GAS7: variants seen among roughly 807,000 people sequenced by gnomAD.
The protein encoded by GAS7 is growth arrest-specific protein 7.
A neutral mutation model predicts 71.1 loss-of-function variants in GAS7; 28 were observed. That is an observed-to-expected ratio of 0.39 (90% CI 0.29 to 0.54). The LOEUF (loss-of-function observed/expected upper bound fraction) is 0.54, where lower values mean the gene tolerates loss of function less well. GAS7 is among the 20% of genes least tolerant of loss of function. The pLI, the probability that GAS7 is intolerant of heterozygous loss-of-function variation, is 0.62. For synonymous variants in GAS7, 258 were observed against 245.8 expected (o/e 1.05, Z -0.46); for missense variants, 436 against 627.8 (o/e 0.69, Z 3.27).
intron 3 of GAS7, among the ~76,000 whole-genome samples, chr17:9,980,434 A>G (rs898712345): frequency 6.6e-6 from 1 of 152,198 alleles, no homozygotes; most frequent in African/African-American, 2.4e-5. Context: ...CAGGTAAACT[A>G]TTTAGACCAG....
At chr17:9,950,165 C>T (rs2152102682) in intron 5 of GAS7, among the ~76,000 whole-genome samples, 1 of 152,104 alleles carries the variant, frequency 6.6e-6, no homozygotes, top group Middle Eastern at 3.4e-3. Context: ...TGCTGGGCCT[C>T]TTTCTCCTTT....
chr17:9,986,347 C>T (rs1289870528), intron 2 of GAS7, among the ~76,000 whole-genome samples: 1 of 152,190 alleles, frequency 6.6e-6, no homozygotes, highest in African/African-American at 2.4e-5. Context: ...CTGGTTGGGG[C>T]AGAGGGTCAC....
chr17:9,976,509 C>G (rs2070210099), intron 3 of GAS7, among the ~76,000 whole-genome samples: 1 of 152,230 alleles, frequency 6.6e-6, no homozygotes, highest in Non-Finnish European at 1.5e-5. Context: ...GGGTGAGGCT[C>G]TGGGTTCAGG....
chr17:10,013,597 T>C (rs2071868729), intron 2 of GAS7, among the ~76,000 whole-genome samples: 1 of 152,250 alleles, frequency 6.6e-6, no homozygotes, highest in South Asian at 2.1e-4. Context: ...CATGCTCTGA[T>C]GGCATTGGCA....
intron 8 of GAS7, among the ~76,000 whole-genome samples, chr17:9,937,485 C>A (rs1597485250): frequency 6.6e-6 from 1 of 152,234 alleles, no homozygotes; most frequent in African/African-American, 2.4e-5. Flanking sequence ...GCCCCTATCT[C>A]AGGCCCCGTG....
At chr17:9,928,323 C>T (rs1481096648) in intron 9 of GAS7, among the ~76,000 whole-genome samples, 4 of 151,296 alleles carry the variant, frequency 2.6e-5, no homozygotes, top group Non-Finnish European at 5.9e-5. Context: ...GGGGTTTCAC[C>T]GTGTTAGTCA....
chr17:10,050,119 T>C (rs972974660), intron 1 of GAS7, among the ~76,000 whole-genome samples: 27 of 152,254 alleles, frequency 1.8e-4, no homozygotes, highest in African/African-American at 5.3e-4. Flanking sequence ...GCTTATTTTC[T>C]ATTATCAGCT....
chr17:10,049,934 C>T (rs1458239967), intron 1 of GAS7, among the ~76,000 whole-genome samples: 2 of 152,094 alleles, frequency 1.3e-5, no homozygotes, highest in African/African-American at 4.8e-5. Flanking sequence ...ATTAGTTTTA[C>T]AATCAGCAAA....
intron 1 of GAS7, among the ~76,000 whole-genome samples, chr17:10,082,728 G>A (rs2073471508): frequency 6.6e-6 from 1 of 152,176 alleles, no homozygotes; most frequent in Non-Finnish European, 1.5e-5. Context: ...GCTAAATCAT[G>A]GAAGCAACCT....
intron 9 of GAS7, among the ~76,000 whole-genome samples, chr17:9,927,488 AAAAC>A (rs1316839530): frequency 3.5e-4 from 52 of 148,794 alleles, no homozygotes; most frequent in Admixed American, 9.3e-4. Context: ...TCAAAAAAAA[AAAAC>A]AAAACAAACA....
intron 1 of GAS7, among the ~76,000 whole-genome samples, chr17:10,044,228 T>C (rs913956486): frequency 4.6e-5 from 7 of 152,180 alleles, no homozygotes; most frequent in Non-Finnish European, 8.8e-5. Context: ...GAAAAATACA[T>C]AGAACAGTGA....
intron 8 of GAS7, among the ~76,000 whole-genome samples, chr17:9,935,005 C>A (rs1240025253): frequency 6.6e-6 from 1 of 152,224 alleles, no homozygotes; most frequent in Non-Finnish European, 1.5e-5. Context: ...ACCTCGGCCT[C>A]CCAAAGTACT....
In GAS7 at chr17:9,919,090, T is replaced by C. The variant is rs1022783809; in HGVS notation, c.1218+536A>G. On this transcript the variant is annotated intron_variant, in intron 12 of 13. Transcript: ENST00000432992. This position sits in a 1 kb window ranked among gnomAD's most constrained non-coding sequence, Gnocchi z 5.0. ...ACACTTCACTGTCCACTCAGGCAGG[T>C]GCTGACTGATAAGGAGATGCTGCCC... Among the ~76,000 whole-genome samples, 1 of 152,152 alleles carries C rather than the reference T, an allele frequency of 6.6e-6. No individual in the cohort carries two copies. Among genetic ancestry groups the C allele is most frequent in the Non-Finnish European group, 1.5e-5 (1 of 68,002 alleles).
At chr17:10,118,795 C>T (rs1256921462) in intron 1 of GAS7, among the ~76,000 whole-genome samples, 3 of 150,982 alleles carry the variant, frequency 2.0e-5, no homozygotes, top group Non-Finnish European at 4.4e-5. Context: ...CCCAGTTAAC[C>T]ATGAGGACCA....
At chr17:9,936,394 T>C (rs1042422238) in intron 8 of GAS7, among the ~76,000 whole-genome samples, 1 of 152,188 alleles carries the variant, frequency 6.6e-6, no homozygotes, top group Admixed American at 6.5e-5. Flanking sequence ...GCAGAGCACA[T>C]GGCAGGTAAA....
intron 2 of GAS7, among the ~76,000 whole-genome samples, chr17:10,013,297 T>A (rs1246281209): frequency 2.6e-5 from 4 of 152,172 alleles, no homozygotes; most frequent in Non-Finnish European, 5.9e-5. Flanking sequence ...TTATAAGTCA[T>A]CCAGTCTATG....
At chr17:10,046,830 AAGG>A (rs2072973369) in intron 1 of GAS7, among the ~76,000 whole-genome samples, 3 of 125,840 alleles carry the variant, frequency 2.4e-5, no homozygotes, top group Admixed American at 1.5e-4. Context: ...GGAAGGAAGG[AAGG>A]AAGGAAGGAA....
chr17:10,102,849 A>G lies in GAS7; in HGVS notation c.184-82952T>C, dbSNP rs565986024. Among the ~76,000 whole-genome samples the G allele has an allele frequency of 5.9e-5, 9 of 152,118 alleles. No individual in the cohort carries two copies. The South Asian group carries it at 1.7e-3, about 28-fold the overall frequency. On this transcript the variant is annotated intron_variant, in intron 1 of 13. Coordinates refer to ENST00000432992, the MANE Select transcript of GAS7 (RefSeq NM_201433.2). The stretch of plus-strand genomic sequence containing the variant: ...AAACGGAGAGCCACAAATCCCAAAC[A>G]GGCACTCAACTCTTGCTTACTCTGC...
chr17:9,946,796 G>A, intron 6 of GAS7, 98 bp downstream of exon 6: 1 of 702,522 alleles, frequency 1.4e-6, no homozygotes, highest in East Asian at 2.8e-5. Flanking sequence ...AACGAGAAAG[G>A]CCCCTCCACT....
Sources: gnomAD v4.1 joint callset for allele counts (sites outside exome capture counted in the v4.1 genomes callset) on GRCh38, gnomAD v4.1.1 for gene constraint, Gnocchi (gnomAD v3.1) non-coding constraint, MANE v1.5 for transcripts, NCBI Gene and HGNC (gene_info 2026-07-23, HGNC 2026-07-21) for gene names.